ERC2: variants seen among roughly 807,000 people sequenced by gnomAD.
The protein encoded by ERC2 is ELKS/RAB6-interacting/CAST family member 2, also known as ERC protein 2.
Under a neutral mutation model 114.8 loss-of-function variants are expected in ERC2, and 42 were observed. That is an observed-to-expected ratio of 0.37 (90% CI 0.29 to 0.47). The LOEUF (loss-of-function observed/expected upper bound fraction) is 0.47, where lower values mean the gene tolerates loss of function less well. Among genes scored for constraint, ERC2 ranks in the 20% least tolerant of loss-of-function variants. ERC2 has a pLI of 0.99. For missense variants in ERC2, 939 were observed against 1,150.7 expected (o/e 0.82, Z 2.66); for synonymous variants, 454 against 425.5 (o/e 1.07, Z -0.82).
intron 14 of ERC2, among the ~76,000 whole-genome samples, chr3:55,885,783 T>C (rs975725068): frequency 6.6e-6 from 1 of 152,206 alleles, no homozygotes; most frequent in African/African-American, 2.4e-5. Context: ...TCATTTTCTG[T>C]GTGCCAAACT....
At chr3:56,054,311 G>A (rs140506354) in intron 7 of ERC2, among the ~76,000 whole-genome samples, 6 of 152,304 alleles carry the variant, frequency 3.9e-5, no homozygotes, top group African/African-American at 1.4e-4. Context: ...AACAAACATC[G>A]TTGAACGGGG....
intron 13 of ERC2, among the ~76,000 whole-genome samples, chr3:55,922,987 T>C (rs1437144152): frequency 6.6e-6 from 1 of 152,042 alleles, no homozygotes; most frequent in African/African-American, 2.4e-5. Flanking sequence ...CCTCAAAATA[T>C]TGGGAATGGA....
intron 14 of ERC2, among the ~76,000 whole-genome samples, chr3:55,773,685 A>C (rs2068392050): frequency 6.6e-6 from 1 of 152,216 alleles, no homozygotes; most frequent in Admixed American, 6.5e-5. Flanking sequence ...ATGGTTATTC[A>C]ATGAATATGG....
intron 2 of ERC2, among the ~76,000 whole-genome samples, chr3:56,297,408 G>C (rs1292715979): frequency 6.6e-6 from 1 of 152,162 alleles, no homozygotes; most frequent in Non-Finnish European, 1.5e-5. Context: ...TATTACTAGA[G>C]AGGGAAGCAA....
chr3:55,832,441 A>C (rs533672444), intron 14 of ERC2, among the ~76,000 whole-genome samples: 1,637 of 152,332 alleles, frequency 0.011, 34 homozygotes, highest in African/African-American at 0.037. Flanking sequence ...AGCAGCATTC[A>C]CGGTTCACGA....
chr3:56,422,582 C>T (rs1038181296), intron 2 of ERC2, among the ~76,000 whole-genome samples: 2 of 152,124 alleles, frequency 1.3e-5, no homozygotes, highest in African/African-American at 4.8e-5. Context: ...TTCTGTATAC[C>T]TCTTTGACAG....
At chr3:55,863,783 T>C (rs907631431) in intron 14 of ERC2, among the ~76,000 whole-genome samples, 1 of 152,128 alleles carries the variant, frequency 6.6e-6, no homozygotes, top group Non-Finnish European at 1.5e-5. Flanking sequence ...GTAATTAATA[T>C]ATAAATTATT....
intron 3 of ERC2, among the ~76,000 whole-genome samples, chr3:56,180,930 A>T (rs550310413): frequency 3.9e-5 from 6 of 152,324 alleles, no homozygotes; most frequent in African/African-American, 1.4e-4. Flanking sequence ...TATCTTTTTC[A>T]TGCATGTTTT....
intron 3 of ERC2, among the ~76,000 whole-genome samples, chr3:56,283,890 T>C (rs1277901016): frequency 6.6e-6 from 1 of 152,208 alleles, no homozygotes; most frequent in Non-Finnish European, 1.5e-5. Context: ...GTGCAAGATG[T>C]GTTAAGTGTT....
intron 14 of ERC2, among the ~76,000 whole-genome samples, chr3:55,838,274 T>C (rs2149208853): frequency 6.6e-6 from 1 of 152,088 alleles, no homozygotes; most frequent in East Asian, 1.9e-4. Flanking sequence ...CTAGTGCACA[T>C]GGAACACTGA....
chr3:56,410,994 T>C (rs1242973489), intron 2 of ERC2, among the ~76,000 whole-genome samples: 1 of 149,840 alleles, frequency 6.7e-6, no homozygotes, highest in African/African-American at 2.5e-5. Flanking sequence ...AGACCAATAA[T>C]CATTCCTGTT....
At chr3:56,278,353 G>A (rs1428919823) in intron 3 of ERC2, among the ~76,000 whole-genome samples, 1 of 152,216 alleles carries the variant, frequency 6.6e-6, no homozygotes, top group African/African-American at 2.4e-5. Context: ...GGTCTGAAGT[G>A]AGGGAAATTC....
At chr3:55,833,574 T>C (rs1047840625) in intron 14 of ERC2, among the ~76,000 whole-genome samples, 10 of 152,210 alleles carry the variant, frequency 6.6e-5, no homozygotes, top group South Asian at 4.2e-4. Context: ...GATTTTGTCA[T>C]CACCAGGCCT....
chr3:56,207,465 T>C (rs2048809676), intron 3 of ERC2, among the ~76,000 whole-genome samples: 1 of 152,160 alleles, frequency 6.6e-6, no homozygotes, highest in Non-Finnish European at 1.5e-5. Context: ...ATATGATATA[T>C]AAAGCTTAGT....
At chr3:56,170,495 G>A (rs2082575951) in intron 4 of ERC2, among the ~76,000 whole-genome samples, 1 of 152,010 alleles carries the variant, frequency 6.6e-6, no homozygotes, top group Non-Finnish European at 1.5e-5. Context: ...TGGGGACAAT[G>A]GGGGTTGAAG....
At chr3:55,794,534 A>T (rs1034253387) in intron 14 of ERC2, among the ~76,000 whole-genome samples, 1 of 152,204 alleles carries the variant, frequency 6.6e-6, no homozygotes, top group African/African-American at 2.4e-5. Context: ...AAAACAATGA[A>T]TTATGTTTAT....
intron 17 of ERC2, among the ~76,000 whole-genome samples, chr3:55,589,008 C>T (rs1053877616): frequency 6.6e-6 from 1 of 151,874 alleles, no homozygotes; most frequent in African/African-American, 2.4e-5. Flanking sequence ...TGGAGTCAGC[C>T]GGACCTGAGT....
At chr3:55,634,609 G>C (rs1206808830) in intron 17 of ERC2, among the ~76,000 whole-genome samples, 1 of 152,182 alleles carries the variant, frequency 6.6e-6, no homozygotes, top group African/African-American at 2.4e-5. Context: ...CCTCTACTTA[G>C]ACTGTAAGAT....
intron 17 of ERC2, among the ~76,000 whole-genome samples, chr3:55,675,933 T>TTTTTTTTTTTTTTTTC (rs1424461978): frequency 9.0e-6 from 1 of 110,970 alleles, no homozygotes; most frequent in Non-Finnish European, 1.8e-5. Flanking sequence ...TTTTTTTTTT[T>TTTTTTTTTTTTTTTTC]TTTTGAGAGA....
Sources: allele counts gnomAD v4.1 joint callset (sites outside exome capture counted in the v4.1 genomes callset), GRCh38; gene constraint gnomAD v4.1.1; transcripts MANE v1.5; gene names NCBI Gene and HGNC (gene_info 2026-07-23, HGNC 2026-07-21).